UTP14A: variants seen among roughly 807,000 people sequenced by gnomAD.
UTP14A encodes the protein UTP14A small subunit processome component, also known as U3 small nucleolar RNA-associated protein 14 homolog A.
In UTP14A, 5 loss-of-function variants were observed where a neutral mutation model predicts 57.2. The observed-to-expected ratio is 0.09, with a 90% CI of 0.05 to 0.18. The LOEUF is 0.18. Ranked by LOEUF, UTP14A falls within the 10% of genes least tolerant of loss-of-function variation. The pLI is 1.00. For missense variants in UTP14A, 430 were observed against 562.1 expected, an observed-to-expected ratio of 0.76 and a Z score of 2.38; for synonymous variants, 169 against 210.9, an observed-to-expected ratio of 0.80 and a Z score of 1.72.
intron 11 of UTP14A, among the ~76,000 whole-genome samples, chrX:129,923,911 A>T (rs1225870161): frequency 2.7e-5 from 3 of 110,492 alleles, no homozygotes; most frequent in Non-Finnish European, 5.7e-5. Context: ...TATACAGTGG[A>T]TCATTGGCAA....
Position 129,925,031 on chromosome X carries a change from C to T in UTP14A, c.1585C>T (p.Pro529Ser). ...AGAATGTTTTCAAAATAAGGAGCTTCCCAGACCTGTGTTAGAAGGGCAGCA... is the reference window on the plus strand; with the variant it reads ...AGAATGTTTTCAAAATAAGGAGCTTTCCAGACCTGTGTTAGAAGGGCAGCA... ...KEECFQNKELPRPVLEGQQSE... is the reference protein window; with the variant it reads ...KEECFQNKELSRPVLEGQQSE... Residue 529 changes from proline (P) to serine (S), a missense_variant, in exon 12 of 15, where the codon CCC becomes TCC. Transcript: ENST00000394422. 8.3e-7 allele frequency: 1 copy of T among 1,211,563 alleles called. No homozygotes were observed. The highest frequency in any genetic ancestry group is 2.3e-4 in the Middle Eastern group (1 of 4,353).
chrX:129,914,099 C>T (rs1929586914), intron 6 of UTP14A, among the ~76,000 whole-genome samples: 1 of 111,857 alleles, frequency 8.9e-6, no homozygotes, highest in Non-Finnish European at 1.9e-5. Context: ...ATTGAATATA[C>T]CATGCCGTTC....
At chrX:129,915,521 T>C in intron 6 of UTP14A, among the ~76,000 whole-genome samples, 1 of 73,388 alleles carries the variant, frequency 1.4e-5, no homozygotes, top group Middle Eastern at 8.1e-3. Context: ...CGAGACTCTG[T>C]CTCAAAAAAA....
chrX:129,929,282 A>G, intron 14 of UTP14A, 54 bp from the exon 15 acceptor site: 38 of 1,178,464 alleles, frequency 3.2e-5, no homozygotes, highest in Non-Finnish European at 4.3e-5. Context: ...CCATTACAGT[A>G]TACAACTGCA....
intron 4 of UTP14A, among the ~76,000 whole-genome samples, chrX:129,909,489 G>A (rs1273134129): frequency 5.4e-5 from 6 of 111,389 alleles, no homozygotes; most frequent in African/African-American, 9.8e-5. Flanking sequence ...GATTACAGGC[G>A]TGAGCCACCG....
At chrX:129,906,506 G>A (rs1288863198) in intron 1 of UTP14A, among the ~76,000 whole-genome samples, 1 of 111,057 alleles carries the variant, frequency 9.0e-6, no homozygotes, top group Admixed American at 9.6e-5. Context: ...CACATTTTTC[G>A]TCACGTGGCC....
intron 6 of UTP14A, among the ~76,000 whole-genome samples, chrX:129,918,396 CA>C (rs766869516): frequency 0.016 from 801 of 49,473 alleles, 7 homozygotes; most frequent in Middle Eastern, 0.067. Context: ...TCTCAGAAAA[CA>C]AAAAAAAAAA....
rs1376276222 is a variant in UTP14A, at chrX:129,922,658, CCT to C, written c.1348+1075_1348+1076del. 5.4e-5 allele frequency: 6 copies of C among 110,167 alleles called. No homozygotes were observed. In the South Asian group the frequency reaches 1.2e-3, roughly 21 times the overall value. The allele number at this position is 110,167 out of a possible 1,213,427, so 9.1% of individuals were successfully genotyped here. A position where few individuals can be genotyped will look rare whatever the true frequency, so the allele number is the denominator to read the frequency against. Reference sequence around the variant, plus strand: ...TCTTGAATTCCTGGCCTCAAGCTATCCTCTCACCTCAGCCTCCCAAAGTGTTA... The same window carrying C: ...TCTTGAATTCCTGGCCTCAAGCTATCCTCACCTCAGCCTCCCAAAGTGTTA... On this transcript the variant is annotated intron_variant, in intron 11 of 14. Transcript: ENST00000394422.
chrX:129,921,633 C>T (rs770613268), intron 11 of UTP14A, 46 bp downstream of exon 11: 2 of 1,157,872 alleles, frequency 1.7e-6, no homozygotes, highest in East Asian at 6.1e-5. Context: ...GTGCTGTGGA[C>T]AGACTATGGG....
chrX:129,909,141 T>C (rs926724358), intron 4 of UTP14A, among the ~76,000 whole-genome samples: 14 of 111,142 alleles, frequency 1.3e-4, no homozygotes, highest in African/African-American at 4.2e-4. Flanking sequence ...TCAAGGGCCT[T>C]TGCCTAGTAC....
Position 129,924,998 on chromosome X carries a change from G to A in UTP14A, c.1552G>A (p.Gly518Arg). Residue 518 changes from glycine to arginine, a missense_variant, in exon 12 of 15, where the codon GGA becomes AGA. Gly to Arg is a moderately radical substitution (Grantham distance 125, BLOSUM62 -2). Coordinates refer to ENST00000394422, the MANE Select transcript of UTP14A (RefSeq NM_006649.4). The stretch of plus-strand genomic sequence containing the variant: ...GACGCTGGAAGAGCTAGAAGAGCTG[G>A]GAAAAGAAGAATGTTTTCAAAATAA... ...VQTLEELEEL[G>R]KEECFQNKEL... The A allele has an allele frequency of 8.3e-7, 1 of 1,211,341 alleles. No individual in the cohort carries two copies. Among genetic ancestry groups the A allele is most frequent in the Non-Finnish European group, 1.1e-6 (1 of 895,484 alleles).
chrX:129,914,375 A>G (rs1194828338), intron 6 of UTP14A, among the ~76,000 whole-genome samples: 8 of 110,417 alleles, frequency 7.2e-5, no homozygotes, highest in African/African-American at 2.0e-4. Flanking sequence ...TCAGGAGTTC[A>G]AGACCAGCCT....
Position 129,907,377 on chromosome X carries a change from T to G in UTP14A, c.37T>G (p.Leu13Val), listed in dbSNP as rs147807871. The change falls in exon 2 of 15, where the codon TTG becomes GTG. Residue 13 changes from leucine (L) to valine (V), a missense_variant. Leu to Val is a conservative substitution (Grantham distance 32). Coordinates refer to ENST00000394422, the MANE Select transcript of UTP14A (RefSeq NM_006649.4). Reference sequence around the variant, plus strand: ...TGCCTCTTTTAACAGCCTTCTGGCTTTGAGCCAACAGGAAGAACTAGCGGA... The same window carrying G: ...TGCCTCTTTTAACAGCCTTCTGGCTGTGAGCCAACAGGAAGAACTAGCGGA... Reference protein sequence around the residue: ...ANRLAESLLALSQQEELADLP... With the variant: ...ANRLAESLLAVSQQEELADLP... 1.7e-3 allele frequency: 2,005 copies of G among 1,207,418 alleles called. 3 individuals are homozygous for G. Among genetic ancestry groups the G allele is most frequent in the Non-Finnish European group, 1.8e-3 (1,600 of 894,383 alleles).
chrX:129,924,804 G>A lies in UTP14A; in HGVS notation c.1358G>A (p.Ser453Asn). Residue 453 changes from serine to asparagine, a missense_variant, in exon 12 of 15, where the codon AGC (serine) becomes AAC (asparagine). Around this residue, in one of 4 missense-constraint regions of UTP14A, gnomAD observed 120 missense variants for 116.8 expected, o/e 1.03. Transcript: ENST00000394422. Reference sequence around the variant, plus strand: ...TTCTTTTTTCCCCCAGATTCTGGCAGCCAGGAGGTGCTGTCTGAATTGAGA... The same window carrying A: ...TTCTTTTTTCCCCCAGATTCTGGCAACCAGGAGGTGCTGTCTGAATTGAGA... ...AGSQETKDSG[S>N]QEVLSELRVL... 1 of 1,194,469 alleles carries A rather than the reference G, an allele frequency of 8.4e-7. No homozygotes were observed. The highest frequency in any genetic ancestry group is 3.0e-5 in the East Asian group (1 of 33,738).
Position 129,911,861 on chromosome X carries a change from T to C in UTP14A, c.477T>C (p.Phe159=), listed in dbSNP as rs1303769482. ...LKNRQAEQLV[F]PLEKEEPAIA... ...ACCGGCAGGCAGAGCAGCTGGTTTT[T>C]CCCCTGGAGAAAGAGGAGCCAGCCA... is the stretch of plus-strand genomic sequence containing the variant. Residue 159 remains phenylalanine (F), a synonymous_variant, in exon 6 of 15, where the codon TTT becomes TTC. Transcript: ENST00000394422. 8.7e-5 allele frequency: 105 copies of C among 1,209,430 alleles called. 3 individuals carry two copies. Among genetic ancestry groups the C allele is most frequent in the Non-Finnish European group, 1.1e-5 (10 of 895,150 alleles).
At position 129,907,371 on chromosome X, in the gene UTP14A, C is replaced by T. The variant is rs772302432; in HGVS notation, c.31C>T (p.Leu11=). 1 of 1,208,050 alleles carries T rather than the reference C, an allele frequency of 8.3e-7. No individual in the cohort carries two copies. Among genetic ancestry groups the T allele is most frequent in the Admixed American group, 2.2e-5 (1 of 45,068 alleles). ...CTCTGTTGCCTCTTTTAACAGCCTT[C>T]TGGCTTTGAGCCAACAGGAAGAACT... The part of the protein sequence containing the change: MTANRLAESL[L]ALSQQEELAD... Residue 11 remains leucine (L), a synonymous_variant, in exon 2 of 15, where the codon CTG becomes TTG. Transcript: ENST00000394422.
intron 5 of UTP14A, 97 bp from the exon 6 acceptor site, chrX:129,911,669 G>T: frequency 9.8e-7 from 1 of 1,016,084 alleles, no homozygotes; most frequent in Non-Finnish European, 1.4e-6. Context: ...ATTCTTTCTT[G>T]GGCTAAGAAA....
At chrX:129,906,278 G>A in intron 1 of UTP14A, 42 bp downstream of exon 1, 1 of 1,174,025 alleles carries the variant, frequency 8.5e-7, no homozygotes, top group Non-Finnish European at 1.2e-6. Context: ...GGTCTCGTTG[G>A]GGGCCGGGTT....
intron 6 of UTP14A, 85 bp from the exon 7 acceptor site, chrX:129,919,090 A>G (rs1929809576): frequency 1.7e-6 from 2 of 1,182,925 alleles, no homozygotes; most frequent in African/African-American, 1.7e-5. Flanking sequence ...TTATAGTGTC[A>G]TAAGTTAGAG....
Sources: allele counts gnomAD v4.1 joint callset (sites outside exome capture counted in the v4.1 genomes callset), GRCh38; gene constraint gnomAD v4.1.1; regional missense constraint gnomAD v4.1.1; transcripts MANE v1.5; gene names NCBI Gene and HGNC (gene_info 2026-07-23, HGNC 2026-07-21).